TNNI3K: variants seen among roughly 807,000 people sequenced by gnomAD.
The protein encoded by TNNI3K is TNNI3 interacting kinase.
TNNI3K carries 140 observed loss-of-function variants against 114.5 expected under a neutral mutation model. The observed-to-expected ratio is 1.22, with a 90% CI of 1.07 to 1.41. The LOEUF (loss-of-function observed/expected upper bound fraction) is 1.41, where lower values mean the gene tolerates loss of function less well. TNNI3K is among the 40% of genes most tolerant of loss of function. The pLI, the probability that TNNI3K is intolerant of heterozygous loss-of-function variation, is 0.00. For synonymous variants in TNNI3K, 347 were observed against 347.5 expected (o/e 1.00, Z 0.02); for missense variants, 1,125 against 1,007.6 (o/e 1.12, Z -1.58).
chr1:74,336,355 T>C (rs984066864), intron 7 of TNNI3K, among the ~76,000 whole-genome samples: 1 of 152,190 alleles, frequency 6.6e-6, no homozygotes, highest in Non-Finnish European at 1.5e-5. Context: ...AATTCTTTTT[T>C]ATTTTTAATT....
chr1:74,508,552 G>C (rs1302951718), intron 23 of TNNI3K, among the ~76,000 whole-genome samples: 1 of 152,158 alleles, frequency 6.6e-6, no homozygotes, highest in Non-Finnish European at 1.5e-5. Context: ...AGAGAAAAGG[G>C]TTAAAAAATA....
intron 5 of TNNI3K, among the ~76,000 whole-genome samples, chr1:74,296,316 A>G (rs1254890522): frequency 6.6e-6 from 1 of 152,048 alleles, no homozygotes; most frequent in African/African-American, 2.4e-5. Context: ...TCATTAAAGT[A>G]TAATTAAATT....
intron 5 of TNNI3K, among the ~76,000 whole-genome samples, chr1:74,326,631 C>T (rs1389899950): frequency 1.3e-5 from 2 of 152,018 alleles, no homozygotes. Flanking sequence ...AGTGATTTAC[C>T]CACAGTGTTA....
intron 5 of TNNI3K, among the ~76,000 whole-genome samples, chr1:74,277,474 A>T (rs1656753642): frequency 6.6e-6 from 1 of 152,228 alleles, no homozygotes; most frequent in Non-Finnish European, 1.5e-5. Flanking sequence ...GCATTACTAC[A>T]TATACGATTA....
intron 23 of TNNI3K, among the ~76,000 whole-genome samples, chr1:74,506,703 G>T (rs115069066): frequency 7.9e-5 from 12 of 152,252 alleles, no homozygotes; most frequent in Admixed American, 3.9e-4. Context: ...TTTAACAGGC[G>T]ACTTGCAAAT....
chr1:74,431,782 T>C (rs1371955084), intron 17 of TNNI3K, among the ~76,000 whole-genome samples: 1 of 152,106 alleles, frequency 6.6e-6, no homozygotes, highest in Non-Finnish European at 1.5e-5. Flanking sequence ...CTGGGCACGC[T>C]CTTGAACTAA....
intron 17 of TNNI3K, among the ~76,000 whole-genome samples, chr1:74,398,819 C>T (rs1664213712): frequency 6.6e-6 from 1 of 151,948 alleles, no homozygotes; most frequent in Non-Finnish European, 1.5e-5. Context: ...CTGGAAAGGT[C>T]AAGAAAATGA....
At position 74,433,701 on chromosome 1, in the gene TNNI3K, TAA is replaced by T. The variant is rs563147912; in HGVS notation, c.1773-2378_1773-2377del. On this transcript the variant is annotated intron_variant, in intron 17 of 24. Coordinates refer to ENST00000326637, the MANE Select transcript of TNNI3K (RefSeq NM_015978.3). ...TTGTTTGACTTGTTACTGTTTTTTATAAGAGTTCATTTTGAATGTGACCTCAA... is the reference window on the plus strand; with the variant it reads ...TTGTTTGACTTGTTACTGTTTTTTATGAGTTCATTTTGAATGTGACCTCAA... 2.6e-5 allele frequency among the ~76,000 whole-genome samples: 4 copies of T among 152,208 alleles called. No homozygotes were observed. In the South Asian group the frequency reaches 8.3e-4, roughly 32 times the overall value.
intron 17 of TNNI3K, among the ~76,000 whole-genome samples, chr1:74,434,267 C>T (rs755675209): frequency 7.2e-5 from 11 of 152,026 alleles, no homozygotes; most frequent in Non-Finnish European, 1.5e-4. Context: ...AGCATGCACT[C>T]TCTGATTTAG....
At chr1:74,504,291 C>T (rs1280682287) in intron 23 of TNNI3K, among the ~76,000 whole-genome samples, 2 of 152,116 alleles carry the variant, frequency 1.3e-5, no homozygotes, top group Admixed American at 1.3e-4. Flanking sequence ...ACCATGTTAG[C>T]TGCTTGTTTT....
At chr1:74,498,209 A>T (rs1335204421) in intron 23 of TNNI3K, among the ~76,000 whole-genome samples, 1 of 152,202 alleles carries the variant, frequency 6.6e-6, no homozygotes, top group Non-Finnish European at 1.5e-5. Flanking sequence ...TTATCCTACC[A>T]TCAACCTATC....
chr1:74,314,685 T>C (rs1659203949), intron 5 of TNNI3K, among the ~76,000 whole-genome samples: 1 of 152,158 alleles, frequency 6.6e-6, no homozygotes, highest in Admixed American at 6.5e-5. Context: ...GAAAATGTTC[T>C]TAATAGAGAA....
intron 17 of TNNI3K, among the ~76,000 whole-genome samples, chr1:74,412,138 A>G (rs1158531841): frequency 1.3e-5 from 2 of 152,140 alleles, no homozygotes; most frequent in East Asian, 1.9e-4. Context: ...GCTCTTTGTC[A>G]TAACAGTGGG....
At chr1:74,451,683 T>TTTTCTATC (rs1667012074) in intron 20 of TNNI3K, among the ~76,000 whole-genome samples, 18 of 76,214 alleles carry the variant, frequency 2.4e-4, no homozygotes, top group African/African-American at 7.4e-4. Flanking sequence ...TTTTCTTTTC[T>TTTTCTATC]TTTCTTTCTT....
At chr1:74,367,854 A>C in intron 12 of TNNI3K, 54 bp from the exon 13 acceptor site, 2 of 1,501,670 alleles carry the variant, frequency 1.3e-6, no homozygotes, top group Non-Finnish European at 9.0e-7. Context: ...TTGAACTTTT[A>C]TGTAGAAAAA....
chr1:74,336,604 G>T (rs1254056995), intron 7 of TNNI3K, among the ~76,000 whole-genome samples: 3 of 150,324 alleles, frequency 2.0e-5, no homozygotes, highest in Admixed American at 6.7e-5. Context: ...TGTGGTGTTT[G>T]GTTTTTTGTT....
At chr1:74,541,840 C>T (rs969705744) in intron 24 of TNNI3K, among the ~76,000 whole-genome samples, 1 of 152,152 alleles carries the variant, frequency 6.6e-6, no homozygotes, top group African/African-American at 2.4e-5. Flanking sequence ...TCACATCATA[C>T]AAGAAAGAAC....
intron 17 of TNNI3K, among the ~76,000 whole-genome samples, chr1:74,417,049 T>C (rs985433145): frequency 3.7e-4 from 56 of 152,074 alleles, no homozygotes; most frequent in African/African-American, 1.2e-3. Flanking sequence ...TCTGTTAATA[T>C]GTTATATAAG....
chr1:74,254,969 A>G (rs1655182217), intron 4 of TNNI3K, among the ~76,000 whole-genome samples: 1 of 152,116 alleles, frequency 6.6e-6, no homozygotes, highest in Non-Finnish European at 1.5e-5. Context: ...AATCGATATT[A>G]TTATCTTTAA....
Sources: gnomAD v4.1 joint callset for allele counts (sites outside exome capture counted in the v4.1 genomes callset) on GRCh38, gnomAD v4.1.1 for gene constraint, MANE v1.5 for transcripts, NCBI Gene and HGNC (gene_info 2026-07-23, HGNC 2026-07-21) for gene names.